Variants in ZBTB7C observed in about 807,000 individuals in gnomAD.
ZBTB7C encodes zinc finger and BTB domain containing 7C.
A neutral mutation model predicts 25.7 loss-of-function variants in ZBTB7C; 8 were observed. The ratio of observed to expected loss-of-function variants is 0.31; its 90% CI spans 0.18 to 0.56. ZBTB7C has a LOEUF of 0.56. Ranked by LOEUF, ZBTB7C falls within the 20% of genes least tolerant of loss-of-function variation. ZBTB7C has a pLI of 0.91. For synonymous variants in ZBTB7C, 394 were observed against 369.0 expected, an observed-to-expected ratio of 1.07 and a Z score of -0.78; for missense variants, 824 against 855.2, an observed-to-expected ratio of 0.96 and a Z score of 0.46.
At chr18:48,201,990 C>T (rs771708485) in intron 2 of ZBTB7C, among the ~76,000 whole-genome samples, 4 of 152,220 alleles carry the variant, frequency 2.6e-5, no homozygotes, top group Admixed American at 2.6e-4. Flanking sequence ...ATGATTTGAC[C>T]GCTTCCCAAT....
intron 2 of ZBTB7C, among the ~76,000 whole-genome samples, chr18:48,267,490 A>G (rs1352447667): frequency 3.3e-5 from 5 of 152,206 alleles, no homozygotes; most frequent in Admixed American, 3.3e-4. Context: ...CAATATGGTA[A>G]CCAAGGCCAG....
At chr18:48,169,159 T>C (rs1192744842) in intron 3 of ZBTB7C, among the ~76,000 whole-genome samples, 1 of 152,186 alleles carries the variant, frequency 6.6e-6, no homozygotes. Context: ...TTTCAGGCAA[T>C]GCGGGTTAGG....
chr18:48,113,846 G>A (rs1262061497), intron 3 of ZBTB7C, among the ~76,000 whole-genome samples: 1 of 152,186 alleles, frequency 6.6e-6, no homozygotes, highest in Admixed American at 6.5e-5. Context: ...CAGGAAGCAG[G>A]CTACACACTA....
At chr18:48,323,728 C>A (rs1446920007) in intron 2 of ZBTB7C, among the ~76,000 whole-genome samples, 1 of 152,162 alleles carries the variant, frequency 6.6e-6, no homozygotes, top group African/African-American at 2.4e-5. Flanking sequence ...GTGGGCTGTG[C>A]AGTGAGTAAG....
In ZBTB7C at chr18:48,040,349, C is replaced by T. The variant is rs772331391; in HGVS notation, c.759G>A (p.Pro253=). 44 of 1,607,674 alleles carry T rather than the reference C, an allele frequency of 2.7e-5. No homozygotes were observed. Among genetic ancestry groups the T allele is most frequent in the African/African-American group, 8.0e-5 (6 of 74,796 alleles). ...DRRPSLSPFA[P]DFFPHLWPGD... ...CTGGCCAGAGGTGTGGAAAGAAGTC[C>T]GGGGCGAATGGAGACAAGGAGGGTC... The change falls in exon 4 of 5, where the codon CCG becomes CCA. Residue 253 remains proline (P), a synonymous_variant. Coordinates refer to ENST00000590800, the MANE Select transcript of ZBTB7C (RefSeq NM_001318841.2).
chr18:48,312,816 C>T (rs779333604), intron 2 of ZBTB7C, among the ~76,000 whole-genome samples: 9 of 152,170 alleles, frequency 5.9e-5, no homozygotes, highest in Non-Finnish European at 1.2e-4. Flanking sequence ...TGAATGCCTA[C>T]TGTGTGTGAG....
At position 48,387,844 on chromosome 18, in the gene ZBTB7C, T is replaced by TA. The variant is rs2047785550; in HGVS notation, c.-304+21381_-304+21382insT. Among the ~76,000 whole-genome samples the TA allele has an allele frequency of 2.0e-5, 3 of 147,380 alleles. No homozygotes were observed. In the South Asian group the frequency reaches 6.3e-4, roughly 31 times the overall value. Reference sequence around the variant, plus strand: ...GTTTGGTTTGGTTTGTTGTTGTTGTTGTTTGTTTGTTTGTTTTGAGACAGG... The same window carrying TA: ...GTTTGGTTTGGTTTGTTGTTGTTGTTAGTTTGTTTGTTTGTTTTGAGACAGG... On this transcript the variant is annotated intron_variant, in intron 1 of 4. Coordinates refer to ENST00000590800, the MANE Select transcript of ZBTB7C (RefSeq NM_001318841.2).
chr18:48,384,058 C>A (rs1239049676), intron 1 of ZBTB7C, among the ~76,000 whole-genome samples: 1 of 152,180 alleles, frequency 6.6e-6, no homozygotes, highest in Non-Finnish European at 1.5e-5. Context: ...TAACAACAAA[C>A]GTGGAGCCAG....
intron 2 of ZBTB7C, among the ~76,000 whole-genome samples, chr18:48,257,805 T>G (rs1228922377): frequency 1.3e-5 from 2 of 148,396 alleles, no homozygotes; most frequent in African/African-American, 2.5e-5. Flanking sequence ...AAAACTAGGA[T>G]CATGCAAATA....
intron 1 of ZBTB7C, among the ~76,000 whole-genome samples, chr18:48,347,572 G>A (rs2046771080): frequency 6.6e-6 from 1 of 151,958 alleles, no homozygotes; most frequent in African/African-American, 2.4e-5. Flanking sequence ...CTCTGCCTTG[G>A]GCCCCTGGGC....
intron 2 of ZBTB7C, among the ~76,000 whole-genome samples, chr18:48,296,956 A>T (rs2045411950): frequency 6.6e-6 from 1 of 152,234 alleles, no homozygotes; most frequent in Non-Finnish European, 1.5e-5. Context: ...CACAAAAATT[A>T]GCCGGGTATG....
chr18:48,083,816 G>A (rs565134516), intron 3 of ZBTB7C: 2 of 984,730 alleles, frequency 2.0e-6, no homozygotes, highest in Non-Finnish European at 2.4e-6. Context: ...AGGTTATAAA[G>A]GGCCTTATTT....
intron 2 of ZBTB7C, among the ~76,000 whole-genome samples, chr18:48,220,005 C>T (rs12969947): frequency 0.31 from 46,598 of 151,996 alleles, 8,232 homozygotes; most frequent in East Asian, 0.64. Context: ...CAACATTTGT[C>T]CCAAAGACTT....
rs1172487644 is a variant in ZBTB7C at position 48,157,555 on chromosome 18, G to T, written c.-17+28379C>A. 3.3e-5 allele frequency among the ~76,000 whole-genome samples: 5 copies of T among 152,276 alleles called. No individual in the cohort carries two copies. The East Asian group carries it at 9.6e-4, about 29-fold the overall frequency. On this transcript the variant is annotated intron_variant, in intron 3 of 4. Transcript: ENST00000590800. The stretch of plus-strand genomic sequence containing the variant: ...ATGAGGAGGAAACAGAGACCCAGTT[G>T]GTTATATTACTTGTCAAAATGGCAA...
At chr18:48,395,173 T>C (rs566785669) in intron 1 of ZBTB7C, among the ~76,000 whole-genome samples, 1 of 152,096 alleles carries the variant, frequency 6.6e-6, no homozygotes, top group East Asian at 1.9e-4. Context: ...TTAGTGATAG[T>C]CAATAATATT....
chr18:48,301,512 C>G (rs2045543892), intron 2 of ZBTB7C, among the ~76,000 whole-genome samples: 1 of 152,128 alleles, frequency 6.6e-6, no homozygotes, highest in Admixed American at 6.5e-5. Flanking sequence ...AGTACCTCAG[C>G]AGGGGGCTGA....
intron 3 of ZBTB7C, among the ~76,000 whole-genome samples, chr18:48,124,269 C>T (rs183384965): frequency 3.9e-5 from 6 of 152,280 alleles, no homozygotes; most frequent in Admixed American, 1.3e-4. Flanking sequence ...GGATGGCAGG[C>T]GGTGGGAATG....
At position 48,386,726 on chromosome 18, in the gene ZBTB7C, G is replaced by A. The variant is rs371173640; in HGVS notation, c.-304+22500C>T. Among the ~76,000 whole-genome samples, 10 of 152,364 alleles carry A rather than the reference G, an allele frequency of 6.6e-5. 1 individual carries two copies. The South Asian group carries it at 1.7e-3, about 25-fold the overall frequency. Reference sequence around the variant, plus strand: ...TCTGCAAGGACGCTCAGTCAAAGATGCAGAGTTTTGCAACCTAAGATAATT... The same window carrying A: ...TCTGCAAGGACGCTCAGTCAAAGATACAGAGTTTTGCAACCTAAGATAATT... On this transcript the variant is annotated intron_variant, in intron 1 of 4. Transcript: ENST00000590800.
At chr18:48,105,794 C>T (rs1238896378) in intron 3 of ZBTB7C, among the ~76,000 whole-genome samples, 2 of 152,180 alleles carry the variant, frequency 1.3e-5, no homozygotes, top group Non-Finnish European at 2.9e-5. Flanking sequence ...TCCCGGTTCA[C>T]AAAACTGAAA....
Sources: gnomAD v4.1 joint callset for allele counts (sites outside exome capture counted in the v4.1 genomes callset) on GRCh38, gnomAD v4.1.1 for gene constraint, MANE v1.5 for transcripts, NCBI Gene and HGNC (gene_info 2026-07-23, HGNC 2026-07-21) for gene names.